DNM3: variants seen among roughly 807,000 people sequenced by gnomAD.
DNM3 encodes dynamin-3.
In DNM3, 47 loss-of-function variants were observed where a neutral mutation model predicts 101.6. That is an observed-to-expected ratio of 0.46 (90% confidence interval 0.37 to 0.59). The LOEUF is 0.59. Ranked by LOEUF, DNM3 falls within the 20% of genes least tolerant of loss-of-function variation. DNM3 has a pLI of 0.00. For synonymous variants in DNM3, 385 were observed against 387.9 expected (o/e 0.99, Z 0.09); for missense variants, 849 against 1,085.7 (o/e 0.78, Z 3.06).
chr1:171,883,463 TTTTCTTTTTTC>T (rs1276116738), intron 1 of DNM3, among the ~76,000 whole-genome samples: 1 of 151,352 alleles, frequency 6.6e-6, no homozygotes, highest in African/African-American at 2.4e-5. Context: ...TGATTCCTCT[TTTTCTTTTTTC>T]TTTCTTTTTT....
At chr1:172,023,474 A>G (rs548519957) in intron 4 of DNM3, among the ~76,000 whole-genome samples, 1 of 152,152 alleles carries the variant, frequency 6.6e-6, no homozygotes, top group Non-Finnish European at 1.5e-5. Flanking sequence ...TTTCAAAAAC[A>G]TTGCTCTATT....
chr1:172,032,574 GA>G (rs1177623409), intron 5 of DNM3, 74 bp downstream of exon 5: 1 of 892,160 alleles, frequency 1.1e-6, no homozygotes, highest in Non-Finnish European at 1.6e-6. Flanking sequence ...GAAGAGAAAT[GA>G]TTGGGAAGCC....
At chr1:172,376,103 T>C (rs2068587619) in intron 17 of DNM3, 1 of 152,134 alleles carries the variant, frequency 6.6e-6, no homozygotes, top group Non-Finnish European at 1.5e-5. Context: ...GAAAGTAAGT[T>C]ATGGTAATTT....
chr1:172,215,352 C>G (rs2060654803), intron 14 of DNM3, among the ~76,000 whole-genome samples: 1 of 152,078 alleles, frequency 6.6e-6, no homozygotes, highest in Non-Finnish European at 1.5e-5. Flanking sequence ...GTAGTATGTG[C>G]ATATGCCCCG....
At chr1:172,202,782 C>T (rs2060197532) in intron 14 of DNM3, among the ~76,000 whole-genome samples, 1 of 152,084 alleles carries the variant, frequency 6.6e-6, no homozygotes, top group Admixed American at 6.6e-5. Flanking sequence ...GTTTAATCTA[C>T]CAAGTTCTTT....
At chr1:171,944,208 A>G (rs1298469346) in intron 2 of DNM3, among the ~76,000 whole-genome samples, 1 of 152,066 alleles carries the variant, frequency 6.6e-6, no homozygotes, top group Non-Finnish European at 1.5e-5. Flanking sequence ...GCCAGGAAAC[A>G]CTATTCTTAA....
chr1:172,392,828 T>C (rs2069640044), intron 20 of DNM3, among the ~76,000 whole-genome samples: 1 of 152,196 alleles, frequency 6.6e-6, no homozygotes, highest in Non-Finnish European at 1.5e-5. Context: ...GTTCACCAAG[T>C]ATGATGGTTT....
intron 14 of DNM3, among the ~76,000 whole-genome samples, chr1:172,194,464 TA>T (rs2059869098): frequency 6.6e-6 from 1 of 152,144 alleles, no homozygotes; most frequent in Non-Finnish European, 1.5e-5. Context: ...AGTGGGGTGT[TA>T]AAGTCTCCCA....
intron 13 of DNM3, among the ~76,000 whole-genome samples, chr1:172,105,871 T>G (rs1290797139): frequency 6.6e-6 from 1 of 152,200 alleles, no homozygotes; most frequent in Non-Finnish European, 1.5e-5. Context: ...CTTCTAATTA[T>G]TTATTGCTAC....
intron 7 of DNM3, among the ~76,000 whole-genome samples, chr1:172,040,882 G>A (rs1360855229): frequency 6.6e-6 from 1 of 152,094 alleles, no homozygotes; most frequent in African/African-American, 2.4e-5. Context: ...TGGTGCATTT[G>A]GGGAACTGCA....
At chr1:172,073,281 G>GTA (rs1007373178) in intron 11 of DNM3, among the ~76,000 whole-genome samples, 21 of 133,388 alleles carry the variant, frequency 1.6e-4, no homozygotes, top group African/African-American at 5.2e-4. Context: ...ATGCTTATAT[G>GTA]TATATATACA....
chr1:172,159,723 T>C (rs1232249279), intron 14 of DNM3, among the ~76,000 whole-genome samples: 1 of 152,060 alleles, frequency 6.6e-6, no homozygotes, highest in African/African-American at 2.4e-5. Context: ...ATGGCCACAA[T>C]AGATTTTCAC....
At chr1:171,922,921 A>G (rs1208377740) in intron 2 of DNM3, among the ~76,000 whole-genome samples, 5 of 152,234 alleles carry the variant, frequency 3.3e-5, no homozygotes, top group Non-Finnish European at 7.3e-5. Flanking sequence ...TTGTCTGGAT[A>G]GATCACATTT....
intron 15 of DNM3, among the ~76,000 whole-genome samples, chr1:172,294,038 A>G (rs917121717): frequency 6.6e-6 from 1 of 152,204 alleles, no homozygotes; most frequent in Non-Finnish European, 1.5e-5. Flanking sequence ...CATACTGTGC[A>G]GTGGGAAGAC....
intron 15 of DNM3, among the ~76,000 whole-genome samples, chr1:172,301,748 A>AT (rs1185140746): frequency 3.3e-5 from 5 of 152,196 alleles, no homozygotes; most frequent in African/African-American, 1.2e-4. Context: ...TAAATATTTA[A>AT]TGGTATAAGT....
At chr1:172,082,010 C>A in intron 12 of DNM3, 108 bp downstream of exon 12, 1 of 1,151,212 alleles carries the variant, frequency 8.7e-7, no homozygotes, top group Non-Finnish European at 1.3e-6. Context: ...ACAATCTGTG[C>A]CAGGATTAAC....
At chr1:172,193,274 G>A (rs676215) in intron 14 of DNM3, among the ~76,000 whole-genome samples, 1 of 151,906 alleles carries the variant, frequency 6.6e-6, no homozygotes, top group South Asian at 2.1e-4. Flanking sequence ...GTATTTCATT[G>A]ATGATTTTTG....
chr1:172,149,640 G>T lies in DNM3; in HGVS notation c.1659+18352G>T, dbSNP rs10911112. On this transcript the variant is annotated intron_variant, in intron 14 of 20. Coordinates refer to ENST00000627582, the MANE Select transcript of DNM3 (RefSeq NM_015569.5). The stretch of plus-strand genomic sequence containing the variant: ...GTTACAATCAGACTTTAAAATGAGG[G>T]CTGGTTCCCTTGGACAAGAGAATCA... Among the ~76,000 whole-genome samples the T allele has an allele frequency of 3.3e-5, 5 of 152,014 alleles. No homozygotes were observed. The East Asian group carries it at 9.7e-4, about 30-fold the overall frequency.
intron 17 of DNM3, among the ~76,000 whole-genome samples, chr1:172,327,593 G>T (rs572338319): frequency 2.6e-4 from 40 of 152,196 alleles, no homozygotes; most frequent in Middle Eastern, 3.4e-3. Context: ...AATATTAAAT[G>T]CATGACCAAA....
Sources: gnomAD v4.1 joint callset for allele counts (sites outside exome capture counted in the v4.1 genomes callset) on GRCh38, gnomAD v4.1.1 for gene constraint, MANE v1.5 for transcripts, NCBI Gene and HGNC (gene_info 2026-07-23, HGNC 2026-07-21) for gene names.